Variants in GALNTL6 observed in about 807,000 individuals in gnomAD.
GALNTL6 encodes polypeptide N-acetylgalactosaminyltransferase-like 6.
GALNTL6 carries 46 observed loss-of-function variants against 73.7 expected under a neutral mutation model. The observed-to-expected ratio is 0.62, with a 90% confidence interval of 0.49 to 0.80. The LOEUF (loss-of-function observed/expected upper bound fraction) is 0.80. Ranked by LOEUF, GALNTL6 falls within the 30% of genes least tolerant of loss-of-function variation. The pLI is 0.00. For missense variants in GALNTL6, 604 were observed against 755.0 expected, an observed-to-expected ratio of 0.80 and a Z score of 2.34; for synonymous variants, 259 against 263.7, an observed-to-expected ratio of 0.98 and a Z score of 0.17.
chr4:172,838,050 A>G lies in GALNTL6; in HGVS notation c.923+24327A>G, dbSNP rs367797094. Among the ~76,000 whole-genome samples the G allele has an allele frequency of 7.2e-5, 11 of 152,044 alleles. No individual in the cohort carries two copies. In the East Asian group the frequency reaches 1.2e-3, roughly 16 times the overall value. ...AGGAATGCCTCCAAAACAGGAACTTAATGTAGTGCATATTTGTCAGTGTTT... is the reference window on the plus strand; with the variant it reads ...AGGAATGCCTCCAAAACAGGAACTTGATGTAGTGCATATTTGTCAGTGTTT... On this transcript the variant is annotated intron_variant, in intron 7 of 12. Coordinates refer to ENST00000506823, the MANE Select transcript of GALNTL6 (RefSeq NM_001034845.3).
intron 3 of GALNTL6, among the ~76,000 whole-genome samples, chr4:172,268,611 A>ACC (rs1738532556): frequency 6.6e-6 from 1 of 152,180 alleles, no homozygotes. Flanking sequence ...TTGGGGAAAC[A>ACC]AATCTGAACT....
At chr4:172,128,255 T>C (rs1162190085) in intron 2 of GALNTL6, among the ~76,000 whole-genome samples, 6 of 152,136 alleles carry the variant, frequency 3.9e-5, no homozygotes, top group Non-Finnish European at 8.8e-5. Context: ...GCATTTAGGC[T>C]AATTGCTATA....
intron 5 of GALNTL6, among the ~76,000 whole-genome samples, chr4:172,705,216 T>TTTA (rs1734263952): frequency 6.6e-6 from 1 of 150,992 alleles, no homozygotes; most frequent in African/African-American, 2.5e-5. Context: ...TACTGCTATT[T>TTTA]TTTTTTTGTT....
intron 5 of GALNTL6, among the ~76,000 whole-genome samples, chr4:172,359,558 T>G (rs942298373): frequency 2.6e-5 from 4 of 152,176 alleles, no homozygotes; most frequent in African/African-American, 7.2e-5. Flanking sequence ...AAGTAAGTAC[T>G]ATGAATCAGA....
chr4:171,833,225 T>C (rs1442256637), intron 2 of GALNTL6, among the ~76,000 whole-genome samples: 1 of 151,776 alleles, frequency 6.6e-6, no homozygotes, highest in Non-Finnish European at 1.5e-5. Flanking sequence ...GGACAAGGGA[T>C]GCTCAATGAA....
chr4:172,928,598 C>G (rs977661260), intron 8 of GALNTL6, among the ~76,000 whole-genome samples: 2 of 152,156 alleles, frequency 1.3e-5, no homozygotes, highest in African/African-American at 2.4e-5. Flanking sequence ...TATCTTTAAT[C>G]ATTTTATTAG....
At chr4:172,941,366 T>C (rs1352888497) in intron 9 of GALNTL6, among the ~76,000 whole-genome samples, 1 of 152,246 alleles carries the variant, frequency 6.6e-6, no homozygotes, top group Non-Finnish European at 1.5e-5. Flanking sequence ...GCTATCATGA[T>C]TAATCATTAC....
rs1560909507 is a variant in GALNTL6 at position 172,069,530 on chromosome 4, C to CATATATGTT, written c.139-160120_139-160119insGTTATATAT. Among the ~76,000 whole-genome samples, 2 of 15,564 alleles carry CATATATGTT rather than the reference C, an allele frequency of 1.3e-4. 1 individual carries two copies. The allele number at this position is 15,564 out of a possible 152,430, so 10.2% of individuals were successfully genotyped here. A position where few individuals can be genotyped will look rare whatever the true frequency, so the allele number is the denominator to read the frequency against. On this transcript the variant is annotated intron_variant, in intron 2 of 12. Coordinates refer to ENST00000506823, the MANE Select transcript of GALNTL6 (RefSeq NM_001034845.3). ...ACACATATATGTTATATGTATAACA[C>CATATATGTT]ATATATTATATATAACACATATATG...
chr4:171,998,400 C>A (rs1249998528), intron 2 of GALNTL6, among the ~76,000 whole-genome samples: 1 of 152,030 alleles, frequency 6.6e-6, no homozygotes, highest in Non-Finnish European at 1.5e-5. Flanking sequence ...CCACTTGCTG[C>A]CTCTCCACAT....
chr4:172,716,493 T>A (rs1008571662), intron 5 of GALNTL6, among the ~76,000 whole-genome samples: 7 of 16,704 alleles, frequency 4.2e-4, no homozygotes, highest in Non-Finnish European at 1.8e-3. Flanking sequence ...ACGCCCAGAG[T>A]ACAACTGTTT....
At chr4:172,759,377 A>T (rs1737936377) in intron 5 of GALNTL6, among the ~76,000 whole-genome samples, 1 of 152,194 alleles carries the variant, frequency 6.6e-6, no homozygotes, top group Non-Finnish European at 1.5e-5. Context: ...AATTCTACAA[A>T]CTGGAACAGG....
intron 2 of GALNTL6, among the ~76,000 whole-genome samples, chr4:171,837,000 A>C (rs1735110397): frequency 6.6e-6 from 1 of 152,170 alleles, no homozygotes; most frequent in South Asian, 2.1e-4. Context: ...GTGTGCATAT[A>C]AATACTTAAT....
chr4:172,121,935 A>G (rs1258939851), intron 2 of GALNTL6, among the ~76,000 whole-genome samples: 3 of 149,378 alleles, frequency 2.0e-5, no homozygotes, highest in African/African-American at 7.5e-5. Context: ...TAAATCAAAT[A>G]ATCATGGGAA....
At chr4:172,773,282 C>T (rs908478754) in intron 5 of GALNTL6, among the ~76,000 whole-genome samples, 4 of 152,134 alleles carry the variant, frequency 2.6e-5, no homozygotes, top group African/African-American at 9.7e-5. Flanking sequence ...GTCCTGCAGA[C>T]TTAAACTCCT....
intron 2 of GALNTL6, among the ~76,000 whole-genome samples, chr4:171,853,925 T>C (rs1008012703): frequency 6.6e-6 from 1 of 152,150 alleles, no homozygotes; most frequent in Non-Finnish European, 1.5e-5. Context: ...TTAGCCACTC[T>C]TCATGTCTCT....
intron 5 of GALNTL6, among the ~76,000 whole-genome samples, chr4:172,614,905 T>G (rs1738664568): frequency 2.0e-5 from 3 of 152,106 alleles, no homozygotes; most frequent in Admixed American, 6.6e-5. Flanking sequence ...ACAAAAAAGG[T>G]GAGGTCAACC....
chr4:172,021,454 A>G (rs573013239), intron 2 of GALNTL6, among the ~76,000 whole-genome samples: 1 of 152,234 alleles, frequency 6.6e-6, no homozygotes, highest in East Asian at 1.9e-4. Context: ...GGACACAAAA[A>G]ATGGAAAGAT....
intron 2 of GALNTL6, among the ~76,000 whole-genome samples, chr4:172,153,779 T>A (rs1389414248): frequency 1.3e-5 from 2 of 152,226 alleles, no homozygotes; most frequent in Admixed American, 6.5e-5. Flanking sequence ...TGAATTCAGA[T>A]GTAGCAAATG....
chr4:172,660,416 G>C (rs1579302380), intron 5 of GALNTL6, among the ~76,000 whole-genome samples: 1 of 152,196 alleles, frequency 6.6e-6, no homozygotes, highest in East Asian at 1.9e-4. Context: ...ACGATCATTA[G>C]CATTTCCCTT....
Sources: allele counts gnomAD v4.1 joint callset (sites outside exome capture counted in the v4.1 genomes callset), GRCh38; gene constraint gnomAD v4.1.1; transcripts MANE v1.5; gene names NCBI Gene and HGNC (gene_info 2026-07-23, HGNC 2026-07-21).